The following GABRB1 variants were observed in gnomAD, a reference collection of about 807,000 sequenced individuals.
GABRB1 encodes gamma-aminobutyric acid type A receptor subunit beta1.
Under a neutral mutation model 51.6 loss-of-function variants are expected in GABRB1, and 17 were observed. That is an observed-to-expected ratio of 0.33 (90% CI 0.23 to 0.49). GABRB1 has a LOEUF of 0.49. GABRB1 is among the 20% of genes least tolerant of loss of function. The pLI, the probability that GABRB1 is intolerant of heterozygous loss-of-function variation, is 0.99. For synonymous variants in GABRB1, 247 were observed against 218.9 expected, an observed-to-expected ratio of 1.13 and a Z score of -1.14; for missense variants, 410 against 600.6, an observed-to-expected ratio of 0.68 and a Z score of 3.32.
At position 47,245,184 on chromosome 4, in the gene GABRB1, A is replaced by T. The variant is rs532915099; in HGVS notation, c.462-74943A>T. ...GGGATATCACCACTGATTCCACAGA[A>T]ATACAAACTACCATCAGAGAATACT... On this transcript the variant is annotated intron_variant, in intron 4 of 8. Transcript: ENST00000295454. Among the ~76,000 whole-genome samples, 20 of 152,316 alleles carry T rather than the reference A, an allele frequency of 1.3e-4. No homozygotes were observed. The South Asian group carries it at 3.9e-3, about 30-fold the overall frequency.
intron 3 of GABRB1, among the ~76,000 whole-genome samples, chr4:47,062,858 A>C (rs1577872527): frequency 6.6e-6 from 1 of 152,220 alleles, no homozygotes; most frequent in South Asian, 2.1e-4. Context: ...CTTCAAATAT[A>C]TCCCAAATTC....
At chr4:47,066,688 A>G (rs1727101894) in intron 3 of GABRB1, among the ~76,000 whole-genome samples, 1 of 152,176 alleles carries the variant, frequency 6.6e-6, no homozygotes, top group African/African-American at 2.4e-5. Flanking sequence ...TTCAGGCTGC[A>G]CTTCCAATTC....
intron 3 of GABRB1, among the ~76,000 whole-genome samples, chr4:47,091,857 C>T (rs1468498069): frequency 1.3e-5 from 2 of 152,186 alleles, no homozygotes; most frequent in East Asian, 3.9e-4. Flanking sequence ...CCGGCCTCCA[C>T]CAGCTACCTC....
At chr4:47,119,594 T>TGC (rs1240407052) in intron 3 of GABRB1, among the ~76,000 whole-genome samples, 1 of 151,636 alleles carries the variant, frequency 6.6e-6, no homozygotes, top group African/African-American at 2.4e-5. Context: ...CTGCAACCTC[T>TGC]GCCTCCAGGG....
At chr4:47,057,164 T>A (rs536238025) in intron 3 of GABRB1, among the ~76,000 whole-genome samples, 44 of 152,292 alleles carry the variant, frequency 2.9e-4, no homozygotes, top group Non-Finnish European at 4.6e-4. Flanking sequence ...AGTTCTCTGG[T>A]CTACATTTAC....
chr4:47,226,147 A>G (rs1228533615), intron 4 of GABRB1, among the ~76,000 whole-genome samples: 1 of 152,196 alleles, frequency 6.6e-6, no homozygotes, highest in Non-Finnish European at 1.5e-5. Context: ...TCAAGAACTT[A>G]TATTTCTGAG....
chr4:47,355,569 G>T (rs1327348682), intron 5 of GABRB1, among the ~76,000 whole-genome samples: 1 of 152,112 alleles, frequency 6.6e-6, no homozygotes, highest in Non-Finnish European at 1.5e-5. Context: ...TGGTCTAAAG[G>T]GTTTCTGAGG....
intron 4 of GABRB1, among the ~76,000 whole-genome samples, chr4:47,173,375 A>G (rs1718525412): frequency 6.6e-6 from 1 of 152,176 alleles, no homozygotes; most frequent in Non-Finnish European, 1.5e-5. Context: ...TATGGACAAC[A>G]CTAGGACAAA....
chr4:47,256,240 A>C (rs1471540039), intron 4 of GABRB1, among the ~76,000 whole-genome samples: 1 of 152,258 alleles, frequency 6.6e-6, no homozygotes, highest in African/African-American at 2.4e-5. Flanking sequence ...ATGGTCTGTA[A>C]TAAACTATAT....
At chr4:47,051,423 T>G (rs577942857) in intron 3 of GABRB1, among the ~76,000 whole-genome samples, 3 of 152,276 alleles carry the variant, frequency 2.0e-5, no homozygotes, top group African/African-American at 7.2e-5. Flanking sequence ...GAGGTTGAAG[T>G]TCTCAGCAAG....
At chr4:47,249,621 A>G (rs1420562581) in intron 4 of GABRB1, among the ~76,000 whole-genome samples, 1 of 152,106 alleles carries the variant, frequency 6.6e-6, no homozygotes, top group Non-Finnish European at 1.5e-5. Flanking sequence ...TGTTAGGTGC[A>G]TATATGTTTA....
chr4:47,366,083 C>T (rs2110014259), intron 5 of GABRB1, among the ~76,000 whole-genome samples: 1 of 152,258 alleles, frequency 6.6e-6, no homozygotes, highest in South Asian at 2.1e-4. Context: ...CATTCTTCAC[C>T]CCAACATTCA....
intron 4 of GABRB1, among the ~76,000 whole-genome samples, chr4:47,318,019 A>G (rs1177190132): frequency 6.6e-6 from 1 of 152,000 alleles, no homozygotes; most frequent in Non-Finnish European, 1.5e-5. Context: ...CAATAGCCAT[A>G]TTTTAATGAT....
intron 5 of GABRB1, among the ~76,000 whole-genome samples, chr4:47,333,731 A>G (rs1001962697): frequency 6.6e-6 from 1 of 152,002 alleles, no homozygotes; most frequent in South Asian, 2.1e-4. Flanking sequence ...CCCCCCAAAA[A>G]AAAGAATAGC....
At chr4:47,024,119 GTTGTTTT>G (rs1725013975) in intron 1 of GABRB1, among the ~76,000 whole-genome samples, 1 of 151,762 alleles carries the variant, frequency 6.6e-6, no homozygotes, top group Non-Finnish European at 1.5e-5. Flanking sequence ...AGTTTTTGTT[GTTGTTTT>G]TTGTTTTCTC....
intron 3 of GABRB1, among the ~76,000 whole-genome samples, chr4:47,051,886 T>C (rs191944741): frequency 6.6e-6 from 1 of 152,210 alleles, no homozygotes; most frequent in African/African-American, 2.4e-5. Flanking sequence ...CCCAGCACTT[T>C]GGGAGGCCGA....
At chr4:47,229,901 G>A (rs954251257) in intron 4 of GABRB1, among the ~76,000 whole-genome samples, 4 of 152,080 alleles carry the variant, frequency 2.6e-5, no homozygotes, top group Non-Finnish European at 5.9e-5. Context: ...TCAAAATCTT[G>A]ATTTCAGGAT....
intron 4 of GABRB1, among the ~76,000 whole-genome samples, chr4:47,242,998 G>A (rs1022979029): frequency 1.1e-4 from 17 of 152,042 alleles, no homozygotes; most frequent in Non-Finnish European, 1.5e-5. Context: ...TAGTTTTCTT[G>A]TAGGGTTTTT....
rs1036331337 is a variant in GABRB1, at chr4:47,296,020, T to A, written c.462-24107T>A. ...ATCCAGCCAAACTAAGCTTCATAAG[T>A]GAAGGAGAAATAAAATACTTTACAG... On this transcript the variant is annotated intron_variant, in intron 4 of 8. Transcript: ENST00000295454. Among the ~76,000 whole-genome samples, 335 of 151,844 alleles carry A rather than the reference T, an allele frequency of 2.2e-3. 3 individuals are homozygous for A. The highest frequency in any genetic ancestry group is 7.1e-3 in the African/African-American group (295 of 41,370).
Sources: allele counts gnomAD v4.1 joint callset (sites outside exome capture counted in the v4.1 genomes callset), GRCh38; gene constraint gnomAD v4.1.1; transcripts MANE v1.5; gene names NCBI Gene and HGNC (gene_info 2026-07-23, HGNC 2026-07-21).